Variants in USF3 observed in about 807,000 individuals in gnomAD.
USF3 encodes the protein basic helix-loop-helix domain-containing protein USF3.
Under a neutral mutation model 157.5 loss-of-function variants are expected in USF3, and 29 were observed. The ratio of observed to expected loss-of-function variants is 0.18; its 90% CI spans 0.14 to 0.25. The LOEUF is 0.25. USF3 is among the 10% of genes least tolerant of loss of function. The pLI is 1.00. For synonymous variants in USF3, 893 were observed against 941.4 expected, an observed-to-expected ratio of 0.95 and a Z score of 0.94; for missense variants, 2,381 against 2,667.6, an observed-to-expected ratio of 0.89 and a Z score of 2.37.
chr3:113,690,869 C>G (rs554373560), intron 1 of USF3, among the ~76,000 whole-genome samples: 7 of 152,304 alleles, frequency 4.6e-5, no homozygotes, highest in African/African-American at 1.4e-4. Context: ...CCCTCCTTCT[C>G]TCTTAGTGCC....
At position 113,661,014 on chromosome 3, in the gene USF3, A is replaced by G; in HGVS notation, c.668T>C (p.Val223Ala). 3 of 1,614,160 alleles carry G rather than the reference A, an allele frequency of 1.9e-6. No homozygotes were observed. Among genetic ancestry groups the G allele is most frequent in the Non-Finnish European group, 2.5e-6 (3 of 1,180,010 alleles). ...TVPALATNQP[V>A]PLCLPAAISA... ...AATGGCAGCAGGAAGACAAAGAGGA[A>G]CAGGCTGGTTGGTAGCCAATGCAGG... Residue 223 changes from valine (V) to alanine (A), a missense_variant, in exon 7 of 7, where the codon GTT becomes GCT. By Grantham distance (64) the Val-to-Ala change is moderately conservative. This residue lies in a region of USF3 where 1,435 missense variants were observed against 1,550.9 expected (regional missense o/e 0.93). Transcript: ENST00000316407.
At chr3:113,672,147 CTT>C (rs1208088407) in intron 4 of USF3, among the ~76,000 whole-genome samples, 3 of 133,696 alleles carry the variant, frequency 2.2e-5, no homozygotes, top group Non-Finnish European at 1.6e-5. Context: ...TTTTTTTTTT[CTT>C]TTTTTTTTTT....
chr3:113,690,070 A>C (rs1707650664), intron 1 of USF3, among the ~76,000 whole-genome samples: 1 of 152,202 alleles, frequency 6.6e-6, no homozygotes, highest in Non-Finnish European at 1.5e-5. Flanking sequence ...AGAACACTGC[A>C]TTTTGAACAA....
chr3:113,676,662 C>T (rs372953329), intron 2 of USF3, among the ~76,000 whole-genome samples: 9 of 152,120 alleles, frequency 5.9e-5, no homozygotes, highest in African/African-American at 2.2e-4. Flanking sequence ...AATGAGTCTA[C>T]CAAGTTGGGA....
intron 4 of USF3, among the ~76,000 whole-genome samples, chr3:113,671,833 A>G (rs1707159903): frequency 6.9e-6 from 1 of 145,972 alleles, no homozygotes; most frequent in East Asian, 2.0e-4. Context: ...CAGTGGCACA[A>G]TCACAGCTCA....
At position 113,660,662 on chromosome 3, in the gene USF3, G is replaced by C; in HGVS notation, c.1020C>G (p.Thr340=). ...TGGGAGGCTGCGAGCAGACTGTGGT[G>C]GTAACTGAAACAACAAAAGTGTTTT... ...DFQNTFVVSV[T]TTVCSQPPRT... The change falls in exon 7 of 7, where the codon ACC becomes ACG. Residue 340 remains threonine, a synonymous_variant. Coordinates refer to ENST00000316407, the MANE Select transcript of USF3 (RefSeq NM_001009899.4). 1.2e-6 allele frequency: 2 copies of C among 1,614,148 alleles called. No homozygotes were observed. The highest frequency in any genetic ancestry group is 1.7e-6 in the Non-Finnish European group (2 of 1,180,014).
At position 113,657,013 on chromosome 3, in the gene USF3, G is replaced by C; in HGVS notation, c.4669C>G (p.Pro1557Ala). The C allele has an allele frequency of 1.9e-6, 3 of 1,614,174 alleles. No homozygotes were observed. Among genetic ancestry groups the C allele is most frequent in the Non-Finnish European group, 2.5e-6 (3 of 1,180,028 alleles). Residue 1557 changes from proline to alanine, a missense_variant, in exon 7 of 7, where the codon CCC (proline) becomes GCC (alanine). By Grantham distance (27) the Pro-to-Ala change is conservative. Coordinates refer to ENST00000316407, the MANE Select transcript of USF3 (RefSeq NM_001009899.4). ...TGTTGCTGCATCTGCTGATGGTGGG[G>C]ATGTGGCTGGCCAGTCTTGGATCGG... The part of the protein sequence containing the change: ...QSRSKTGQPH[P>A]HHQQMQQQMQ...
intron 5 of USF3, among the ~76,000 whole-genome samples, chr3:113,667,355 C>A (rs1054213989): frequency 6.6e-6 from 1 of 152,180 alleles, no homozygotes; most frequent in Non-Finnish European, 1.5e-5. Context: ...TTTGCACATT[C>A]TAGAACACCA....
rs552439862 is a variant in USF3 at position 113,659,254 on chromosome 3, A to G, written c.2428T>C (p.Ser810Pro). 2 of 1,614,142 alleles carry G rather than the reference A, an allele frequency of 1.2e-6. No individual in the cohort carries two copies. The highest frequency in any genetic ancestry group is 2.7e-5 in the African/African-American group (2 of 75,046). The change falls in exon 7 of 7, where the codon TCA becomes CCA. Residue 810 changes from serine (S) to proline (P), a missense_variant. Coordinates refer to ENST00000316407, the MANE Select transcript of USF3 (RefSeq NM_001009899.4). ...GGRKHLAANK[S>P]ACPLNSVRDV... Reference sequence around the variant, plus strand: ...CTGACTGAATTCAGGGGACACGCTGACTTGTTTGCTGCTAAGTGTTTCCTG... The same window carrying G: ...CTGACTGAATTCAGGGGACACGCTGGCTTGTTTGCTGCTAAGTGTTTCCTG...
rs974370385 is a variant in USF3 at position 113,690,290 on chromosome 3, C to T, written c.-135+6080G>A. 2.6e-5 allele frequency among the ~76,000 whole-genome samples: 4 copies of T among 152,318 alleles called. No individual in the cohort carries two copies. The East Asian group carries it at 5.8e-4, about 22-fold the overall frequency. The stretch of plus-strand genomic sequence containing the variant: ...ACCTTAGATTAGGCCCCATTTTACA[C>T]GTCTGGCCTTAAGCAGTCTTTGTTA... On this transcript the variant is annotated intron_variant, in intron 1 of 6. Transcript: ENST00000316407.
In USF3 at chr3:113,649,672, T is replaced by G. The variant is rs1292308951; in HGVS notation, c.*5272A>C. On this transcript the variant is annotated 3_prime_UTR_variant, in exon 7 of 7. Coordinates refer to ENST00000316407, the MANE Select transcript of USF3 (RefSeq NM_001009899.4). Reference sequence around the variant, plus strand: ...AACAGAGGAGTGGGTGAGTGATATGTTCCAACAGCTGGTCTAAAGACCAGA... The same window carrying G: ...AACAGAGGAGTGGGTGAGTGATATGGTCCAACAGCTGGTCTAAAGACCAGA... The G allele has an allele frequency of 1.7e-6, 1 of 585,984 alleles. No homozygotes were observed. The highest frequency in any genetic ancestry group is 3.0e-5 in the Admixed American group (1 of 33,278). The allele number at this position is 585,984 out of a possible 1,614,324, so 36.3% of individuals were successfully genotyped here. A position where few individuals can be genotyped will look rare whatever the true frequency, so the allele number is the denominator to read the frequency against.
chr3:113,676,414 A>G (rs1051635059), intron 2 of USF3, among the ~76,000 whole-genome samples: 9 of 152,176 alleles, frequency 5.9e-5, no homozygotes, highest in African/African-American at 2.2e-4. Flanking sequence ...GGAAGCAAAC[A>G]TATCCTTTAC....
chr3:113,669,622 A>T (rs1031839277), intron 5 of USF3, among the ~76,000 whole-genome samples: 1 of 151,730 alleles, frequency 6.6e-6, no homozygotes. Context: ...AATAATAATT[A>T]TCCCTCATTA....
intron 3 of USF3, among the ~76,000 whole-genome samples, chr3:113,674,262 A>C (rs1407492948): frequency 1.3e-5 from 2 of 152,230 alleles, no homozygotes; most frequent in African/African-American, 4.8e-5. Flanking sequence ...TTACAAACAA[A>C]ACATTTAACA....
chr3:113,690,113 C>T (rs1186790312), intron 1 of USF3, among the ~76,000 whole-genome samples: 2 of 152,180 alleles, frequency 1.3e-5, no homozygotes, highest in African/African-American at 4.8e-5. Context: ...TGTTAAATTC[C>T]CTTTTCTCTT....
chr3:113,658,645 T>C lies in USF3; in HGVS notation c.3037A>G (p.Lys1013Glu), dbSNP rs766374797. Residue 1013 changes from lysine to glutamate, a missense_variant, in exon 7 of 7, where the codon AAA (lysine) becomes GAA (glutamate). Lys to Glu is a moderately conservative substitution (Grantham distance 56). Around this residue, in one of 6 missense-constraint regions of USF3, gnomAD observed 1,435 missense variants for 1,550.9 expected, o/e 0.93. Coordinates refer to ENST00000316407, the MANE Select transcript of USF3 (RefSeq NM_001009899.4). ...GLTTLLSDLA[K>E]KKNPQKSSLS... ...GATGATTTCTGAGGGTTTTTTTTTT[T>C]AGCAAGATCAGATAGCAATGTAGTT... 3 of 1,613,954 alleles carry C rather than the reference T, an allele frequency of 1.9e-6. No homozygotes were observed. The highest frequency in any genetic ancestry group is 2.2e-5 in the East Asian group (1 of 44,888).
chr3:113,682,590 G>T (rs932958098), intron 1 of USF3, among the ~76,000 whole-genome samples: 2 of 152,112 alleles, frequency 1.3e-5, no homozygotes, highest in African/African-American at 4.8e-5. Context: ...TTGTATTGGG[G>T]TCTATCTCTC....
Position 113,675,100 on chromosome 3 carries a change from A to G in USF3, c.-18-204T>C, listed in dbSNP as rs115836125. Among the ~76,000 whole-genome samples, 991 of 152,370 alleles carry G rather than the reference A, an allele frequency of 6.5e-3. 3 individuals are homozygous for G. Among genetic ancestry groups the G allele is most frequent in the Non-Finnish European group, 9.1e-3 (619 of 68,038 alleles). ...AATTAGCAAATGTAGAAAATGGTGA[A>G]TATCAAATGTGAGGTATAGCCAGAA... On this transcript the variant is annotated intron_variant, in intron 2 of 6. Coordinates refer to ENST00000316407, the MANE Select transcript of USF3 (RefSeq NM_001009899.4).
rs766072671 is a variant in USF3, at chr3:113,659,491, T to C, written c.2191A>G (p.Ile731Val). ...MAGQSCVQLS[I>V]SQPANSQTAA... ...GTTTGAGAATTGGCAGGCTGGCTAA[T>C]AGACAATTGTACACAGCTTTGCCCA... The change falls in exon 7 of 7, where the codon ATT becomes GTT. Residue 731 changes from isoleucine (I) to valine (V), a missense_variant. Around this residue, in one of 6 missense-constraint regions of USF3, gnomAD observed 1,435 missense variants for 1,550.9 expected, o/e 0.93. Transcript: ENST00000316407. The C allele has an allele frequency of 9.9e-6, 16 of 1,614,108 alleles. No homozygotes were observed. The East Asian group carries it at 2.2e-4, about 22-fold the overall frequency.
Sources: gnomAD v4.1 joint callset for allele counts (sites outside exome capture counted in the v4.1 genomes callset) on GRCh38, gnomAD v4.1.1 for gene constraint, gnomAD v4.1.1 regional missense constraint, MANE v1.5 for transcripts, NCBI Gene and HGNC (gene_info 2026-07-23, HGNC 2026-07-21) for gene names.